CEP85L: variants seen among roughly 807,000 people sequenced by gnomAD.
The protein encoded by CEP85L is centrosomal protein 85L, also known as centrosomal protein of 85 kDa-like.
CEP85L carries 60 observed loss-of-function variants against 100.3 expected under a neutral mutation model. The observed-to-expected ratio is 0.60, with a 90% CI of 0.49 to 0.74. CEP85L has a LOEUF of 0.74. CEP85L is among the 30% of genes least tolerant of loss of function. CEP85L has a pLI of 0.00. For synonymous variants in CEP85L, 319 were observed against 322.7 expected, an observed-to-expected ratio of 0.99 and a Z score of 0.12; for missense variants, 973 against 936.2, an observed-to-expected ratio of 1.04 and a Z score of -0.51.
At chr6:118,520,846 A>G (rs910112219) in intron 4 of CEP85L, among the ~76,000 whole-genome samples, 1 of 152,178 alleles carries the variant, frequency 6.6e-6, no homozygotes, top group African/African-American at 2.4e-5. Context: ...TCAATCACCT[A>G]AATGGTTATA....
intron 1 of CEP85L, among the ~76,000 whole-genome samples, chr6:118,661,233 A>T (rs1045504976): frequency 9.8e-5 from 15 of 152,332 alleles, no homozygotes; most frequent in African/African-American, 3.6e-4. Context: ...TAAACTGAGT[A>T]AAATATGATT....
chr6:118,646,916 C>T (rs1775239089), intron 1 of CEP85L: 1 of 984,564 alleles, frequency 1.0e-6, no homozygotes, highest in South Asian at 4.7e-5. Context: ...CCATTTATTG[C>T]TTGGCCTCAG....
Position 118,514,894 on chromosome 6 carries a change from T to C in CEP85L, c.1140-3479A>G, listed in dbSNP as rs143896189. Among the ~76,000 whole-genome samples the C allele has an allele frequency of 4.4e-3, 662 of 152,012 alleles. 5 individuals carry two copies. Among genetic ancestry groups the C allele is most frequent in the Middle Eastern group, 6.8e-3 (2 of 292 alleles). The stretch of plus-strand genomic sequence containing the variant: ...ATTAGAGCTCACTACAGCCTTGAAC[T>C]CTTGGGCTCAAGCCATCTTCCTGTC... On this transcript the variant is annotated intron_variant, in intron 4 of 12. Coordinates refer to ENST00000368491, the MANE Select transcript of CEP85L (RefSeq NM_001042475.3).
intron 1 of CEP85L, among the ~76,000 whole-genome samples, chr6:118,678,983 G>T (rs1583252346): frequency 1.3e-5 from 2 of 152,148 alleles, no homozygotes; most frequent in East Asian, 1.9e-4. Flanking sequence ...ACTCCCTGTT[G>T]CTCTAGTAAA....
At chr6:118,692,758 A>AAGTCTCTGT (rs1777086436) in intron 1 of CEP85L, among the ~76,000 whole-genome samples, 4 of 152,306 alleles carry the variant, frequency 2.6e-5, no homozygotes, top group South Asian at 2.1e-4. Flanking sequence ...GGCAGAAGAA[A>AAGTCTCTGT]CAAGACATAG....
intron 1 of CEP85L, among the ~76,000 whole-genome samples, chr6:118,675,239 G>A (rs954875234): frequency 6.6e-6 from 1 of 151,920 alleles, no homozygotes; most frequent in Non-Finnish European, 1.5e-5. Context: ...CATATTTTAT[G>A]ATTCCACATA....
intron 1 of CEP85L, among the ~76,000 whole-genome samples, chr6:118,667,762 T>C (rs1776177356): frequency 1.3e-5 from 2 of 151,480 alleles, no homozygotes; most frequent in South Asian, 4.1e-4. Flanking sequence ...CCCAGCCCAG[T>C]CCAATGCACA....
intron 10 of CEP85L, among the ~76,000 whole-genome samples, chr6:118,470,857 G>T (rs1476792040): frequency 6.6e-6 from 1 of 152,132 alleles, no homozygotes; most frequent in Middle Eastern, 3.4e-3. Flanking sequence ...TGGTTTCCCA[G>T]AATACATTTG....
chr6:118,703,258 C>T (rs941257920), intron 1 of CEP85L, among the ~76,000 whole-genome samples: 13 of 151,656 alleles, frequency 8.6e-5, no homozygotes, highest in African/African-American at 2.7e-4. Context: ...GCAAATAAAT[C>T]GTTATTTTAA....
intron 3 of CEP85L, among the ~76,000 whole-genome samples, chr6:118,526,738 A>G (rs1776985950): frequency 6.6e-6 from 1 of 152,248 alleles, no homozygotes; most frequent in Non-Finnish European, 1.5e-5. Flanking sequence ...TATGCTAATC[A>G]TAATACATTA....
At chr6:118,689,916 C>CTTTTT (rs34964907) in intron 1 of CEP85L, among the ~76,000 whole-genome samples, 5 of 136,202 alleles carry the variant, frequency 3.7e-5, no homozygotes, top group Non-Finnish European at 4.7e-5. Context: ...TCCCTGCCTG[C>CTTTTT]TTTTTTTTTT....
intron 2 of CEP85L, among the ~76,000 whole-genome samples, chr6:118,592,407 T>C (rs886493383): frequency 7.3e-5 from 11 of 151,678 alleles, no homozygotes; most frequent in African/African-American, 2.7e-4. Flanking sequence ...ATAAAAGAAT[T>C]TTAAAATAAG....
intron 1 of CEP85L, among the ~76,000 whole-genome samples, chr6:118,641,769 C>G (rs1774890977): frequency 6.6e-6 from 1 of 151,512 alleles, no homozygotes; most frequent in Non-Finnish European, 1.5e-5. Flanking sequence ...TATAAACAAA[C>G]AAGAAAATAG....
At chr6:118,670,863 T>A (rs1305387529) in intron 1 of CEP85L, among the ~76,000 whole-genome samples, 1 of 152,026 alleles carries the variant, frequency 6.6e-6, no homozygotes, top group Admixed American at 6.6e-5. Context: ...AGCTTGACCA[T>A]GGAAATGTTC....
intron 2 of CEP85L, among the ~76,000 whole-genome samples, chr6:118,587,832 T>C (rs1234949613): frequency 1.3e-5 from 2 of 152,342 alleles, no homozygotes; most frequent in East Asian, 3.9e-4. Flanking sequence ...CGTAAATGAC[T>C]ACCCTAAATA....
chr6:118,547,156 A>T (rs1466453322), intron 3 of CEP85L, among the ~76,000 whole-genome samples: 2 of 152,150 alleles, frequency 1.3e-5, no homozygotes, highest in Non-Finnish European at 2.9e-5. Flanking sequence ...TAAAGAAGAG[A>T]TTTAAGAATT....
intron 2 of CEP85L, among the ~76,000 whole-genome samples, chr6:118,600,301 GTGTGT>G (rs1179529566): frequency 0.028 from 854 of 30,414 alleles, 181 homozygotes; most frequent in Middle Eastern, 0.043. Flanking sequence ...CTTCCTGGGG[GTGTGT>G]GTGTGTGTGT....
In CEP85L at chr6:118,565,476, C is replaced by A. The variant is rs1258102132; in HGVS notation, c.1020+53G>T. 4 of 1,512,836 alleles carry A rather than the reference C, an allele frequency of 2.6e-6. No homozygotes were observed. In the East Asian group the frequency reaches 9.0e-5, roughly 34 times the overall value. 93.7% of individuals were successfully genotyped at this position (1,512,836 alleles called of 1,614,324 possible). ...TTATATGCTTACTGTAAGTGTGCTA[C>A]TGTACTCATAACATCCACTGGAGGG... On this transcript the variant is annotated intron_variant, in intron 3 of 12. Coordinates refer to ENST00000368491, the MANE Select transcript of CEP85L (RefSeq NM_001042475.3).
intron 6 of CEP85L, among the ~76,000 whole-genome samples, chr6:118,484,800 T>C (rs1303035866): frequency 1.3e-5 from 2 of 152,218 alleles, no homozygotes; most frequent in Non-Finnish European, 2.9e-5. Flanking sequence ...AAATTGCTTA[T>C]AGTGTACTAA....
Sources: gnomAD v4.1 joint callset for allele counts (sites outside exome capture counted in the v4.1 genomes callset) on GRCh38, gnomAD v4.1.1 for gene constraint, MANE v1.5 for transcripts, NCBI Gene and HGNC (gene_info 2026-07-23, HGNC 2026-07-21) for gene names.